The following FGFR1 variants were observed in gnomAD, a reference collection of about 807,000 sequenced individuals.
FGFR1 encodes the protein fibroblast growth factor receptor 1.
Under a neutral mutation model 93.7 loss-of-function variants are expected in FGFR1, and 18 were observed. The ratio of observed to expected loss-of-function variants is 0.19; its 90% confidence interval spans 0.13 to 0.28. The LOEUF (loss-of-function observed/expected upper bound fraction) is 0.28, where lower values mean the gene tolerates loss of function less well. Among genes scored for constraint, FGFR1 ranks in the 10% least tolerant of loss-of-function variants. The pLI, the probability that FGFR1 is intolerant of heterozygous loss-of-function variation, is 1.00. For missense variants in FGFR1, 731 were observed against 1,080.4 expected, an observed-to-expected ratio of 0.68 and a Z score of 4.53; for synonymous variants, 448 against 429.3, an observed-to-expected ratio of 1.04 and a Z score of -0.54.
chr8:38,426,855 G>A lies in FGFR1; in HGVS notation c.622-610C>T, dbSNP rs1229670097. ...TGGCTGGGTGCGGTGGCTCAAGCCT[G>A]TAATCCCAGCTCTTTGGGAGGCCCA... On this transcript the variant is annotated intron_variant, in intron 5 of 17. Transcript: ENST00000447712. The surrounding 1 kb of genome is among the most constrained non-coding windows in gnomAD (Gnocchi z 4.1). Among the ~76,000 whole-genome samples, 1 of 152,210 alleles carries A rather than the reference G, an allele frequency of 6.6e-6. No homozygotes were observed. Among genetic ancestry groups the A allele is most frequent in the Non-Finnish European group, 1.5e-5 (1 of 68,032 alleles).
chr8:38,442,149 C>A (rs554124533), intron 2 of FGFR1, among the ~76,000 whole-genome samples: 3 of 152,178 alleles, frequency 2.0e-5, no homozygotes, highest in Non-Finnish European at 4.4e-5. Context: ...GGCATCTGCA[C>A]GATAATAGAA....
intron 2 of FGFR1, among the ~76,000 whole-genome samples, chr8:38,446,014 A>T (rs919161921): frequency 6.6e-6 from 1 of 152,070 alleles, no homozygotes; most frequent in African/African-American, 2.4e-5. Flanking sequence ...GGAGAAGGAC[A>T]CTTCTGAAGG....
At chr8:38,422,346 A>T (rs1021832137) in intron 7 of FGFR1, 4 of 429,722 alleles carry the variant, frequency 9.3e-6, no homozygotes, top group African/African-American at 7.9e-5. Context: ...ACACGCATAC[A>T]CACACGCACA....
In FGFR1 at chr8:38,424,496, G is replaced by C. The variant is rs776478746; in HGVS notation, c.936+13C>G. ...CCAGTAGACTGGCCCACGAAGACTGGTGCCATGATTACCTTCAAGATCTGG... is the reference window on the plus strand; with the variant it reads ...CCAGTAGACTGGCCCACGAAGACTGCTGCCATGATTACCTTCAAGATCTGG... On this transcript the variant is annotated intron_variant, in intron 7 of 17. Coordinates refer to ENST00000447712, the MANE Select transcript of FGFR1 (RefSeq NM_023110.3). The surrounding 1 kb of genome is among the most constrained non-coding windows in gnomAD (Gnocchi z 4.3). 2 of 1,614,100 alleles carry C rather than the reference G, an allele frequency of 1.2e-6. No homozygotes were observed. Among genetic ancestry groups the C allele is most frequent in the Non-Finnish European group, 1.7e-6 (2 of 1,179,990 alleles).
At chr8:38,416,446 T>C (rs576359139) in intron 12 of FGFR1, among the ~76,000 whole-genome samples, 1 of 115,462 alleles carries the variant, frequency 8.7e-6, no homozygotes, top group African/African-American at 3.2e-5. Context: ...AATGCCTGGC[T>C]AATTTTTTTT....
At position 38,461,128 on chromosome 8, in the gene FGFR1, A is replaced by G. The variant is rs958578032; in HGVS notation, c.-88-3594T>C. ...CCATCACAGGTGGTTATGAAGACTG[A>G]ATGGGCTGCATGGGTGAAAGTGCCT... On this transcript the variant is annotated intron_variant, in intron 1 of 17. Coordinates refer to ENST00000447712, the MANE Select transcript of FGFR1 (RefSeq NM_023110.3). The G allele has an allele frequency of 2.0e-5, 30 of 1,536,056 alleles. No individual in the cohort carries two copies. The African/African-American group carries it at 3.0e-4, about 15-fold the overall frequency.
chr8:38,423,539 C>T (rs1031023041), intron 7 of FGFR1: 8 of 251,272 alleles, frequency 3.2e-5, no homozygotes, highest in Non-Finnish European at 6.1e-5. Context: ...CCGGGCTGGT[C>T]TCAAACTCCT....
rs114142081 is a variant in FGFR1, at chr8:38,461,696, C to T, written c.-88-4162G>A. 2.3e-3 allele frequency among the ~76,000 whole-genome samples: 344 copies of T among 152,216 alleles called. 1 individual carries two copies. The highest frequency in any genetic ancestry group is 8.1e-3 in the African/African-American group (338 of 41,494). On this transcript the variant is annotated intron_variant, in intron 1 of 17. Coordinates refer to ENST00000447712, the MANE Select transcript of FGFR1 (RefSeq NM_023110.3). ...TGCCACCCTGGGATAGTCACTTAAC[C>T]GTTCTAAGCCTCGGTTTCCCACCTA...
chr8:38,453,907 C>CA (rs1563614427), intron 2 of FGFR1, among the ~76,000 whole-genome samples: 2 of 152,034 alleles, frequency 1.3e-5, no homozygotes, highest in Admixed American at 6.5e-5. Flanking sequence ...ACCAACCAAC[C>CA]AACAAACAAA....
chr8:38,424,503 G>A lies in FGFR1; in HGVS notation c.936+6C>T, dbSNP rs1820033930. The A allele has an allele frequency of 1.2e-6, 2 of 1,614,034 alleles. No individual in the cohort carries two copies. Among genetic ancestry groups the A allele is most frequent in the African/African-American group, 1.3e-5 (1 of 74,910 alleles). ...ACTGGCCCACGAAGACTGGTGCCAT[G>A]ATTACCTTCAAGATCTGGACATAAG... is the stretch of plus-strand genomic sequence containing the variant. On this transcript the variant is annotated splice_donor_region_variant and intron_variant, in intron 7 of 17. Transcript: ENST00000447712. This position sits in a 1 kb window ranked among gnomAD's most constrained non-coding sequence, Gnocchi z 4.3.
At chr8:38,464,327 A>C in intron 1 of FGFR1, among the ~76,000 whole-genome samples, 1 of 151,614 alleles carries the variant, frequency 6.6e-6, no homozygotes, top group Non-Finnish European at 1.5e-5. Flanking sequence ...AAAAAAAAAA[A>C]AAAAAAAAGC....
At chr8:38,467,612 A>G (rs1835832127) in intron 1 of FGFR1, 1 of 235,648 alleles carries the variant, frequency 4.2e-6, no homozygotes, top group Non-Finnish European at 8.3e-6. Flanking sequence ...CCTCCTCCCC[A>G]GTCCAGGAAA....
At chr8:38,430,011 G>A in intron 2 of FGFR1, 63 bp from the exon 3 acceptor site, 1 of 1,489,632 alleles carries the variant, frequency 6.7e-7, no homozygotes, top group Non-Finnish European at 9.0e-7. Flanking sequence ...AGGGAGAGGG[G>A]AGGAGGGGAG....
chr8:38,420,382 T>C (rs973887445), intron 8 of FGFR1: 3 of 152,404 alleles, frequency 2.0e-5, no homozygotes, highest in Admixed American at 6.5e-5. Context: ...TATTTATTCC[T>C]AGCCAAACCA....
chr8:38,447,809 T>A (rs1411557288), intron 2 of FGFR1, among the ~76,000 whole-genome samples: 1 of 152,186 alleles, frequency 6.6e-6, no homozygotes, highest in Non-Finnish European at 1.5e-5. Flanking sequence ...TTAAAAGACA[T>A]TTACTGGTAT....
In FGFR1 at chr8:38,426,286, GA is replaced by G; in HGVS notation, c.622-42del. 1 of 1,612,842 alleles carries G rather than the reference GA, an allele frequency of 6.2e-7. No homozygotes were observed. On this transcript the variant is annotated intron_variant, in intron 5 of 17. Transcript: ENST00000447712. The surrounding 1 kb of genome is among the most constrained non-coding windows in gnomAD (Gnocchi z 4.1). Reference sequence around the variant, plus strand: ...AAAGGGATACATTGAGGGTCCAGAGGAAAATGCAGGCCCCATGACAATGTCG... The same window carrying G: ...AAAGGGATACATTGAGGGTCCAGAGGAAATGCAGGCCCCATGACAATGTCG...
chr8:38,461,127 G>A (rs1035507463), intron 1 of FGFR1: 4 of 1,536,088 alleles, frequency 2.6e-6, no homozygotes, highest in Non-Finnish European at 3.5e-6. Flanking sequence ...TATGAAGACT[G>A]AATGGGCTGC....
chr8:38,435,972 G>A (rs1165153254), intron 2 of FGFR1, among the ~76,000 whole-genome samples: 1 of 152,236 alleles, frequency 6.6e-6, no homozygotes, highest in African/African-American at 2.4e-5. Flanking sequence ...GAGATGAGGT[G>A]GGGAATGGAG....
intron 1 of FGFR1, among the ~76,000 whole-genome samples, chr8:38,467,159 C>G (rs1198962779): frequency 6.6e-6 from 1 of 152,046 alleles, no homozygotes; most frequent in East Asian, 1.9e-4. Context: ...AGATTGGGAC[C>G]GAACGGTCCT....
Sources: allele counts gnomAD v4.1 joint callset (sites outside exome capture counted in the v4.1 genomes callset), GRCh38; gene constraint gnomAD v4.1.1; non-coding constraint Gnocchi (gnomAD v3.1); transcripts MANE v1.5; gene names NCBI Gene and HGNC (gene_info 2026-07-23, HGNC 2026-07-21).